Variants in PCDHA12 observed in about 807,000 individuals in gnomAD.
PCDHA12 encodes protocadherin alpha-12.
A neutral mutation model predicts 60.0 loss-of-function variants in PCDHA12; 44 were observed. The observed-to-expected ratio is 0.73, with a 90% confidence interval of 0.58 to 0.94. The LOEUF is 0.94. Among genes scored for constraint, PCDHA12 ranks in the 40% least tolerant of loss-of-function variants. The pLI is 0.00. For synonymous variants in PCDHA12, 569 were observed against 553.0 expected (o/e 1.03, Z -0.40); for missense variants, 1,276 against 1,239.7 (o/e 1.03, Z -0.44).
intron 1 of PCDHA12, among the ~76,000 whole-genome samples, chr5:140,915,369 G>GTC (rs2077091836): frequency 6.6e-6 from 1 of 152,160 alleles, no homozygotes; most frequent in Admixed American, 6.5e-5. Context: ...ACCAGTAAGT[G>GTC]TCTCGGCATT....
At chr5:140,943,690 CA>C (rs2093548144) in intron 1 of PCDHA12, among the ~76,000 whole-genome samples, 1 of 151,974 alleles carries the variant, frequency 6.6e-6, no homozygotes, top group Non-Finnish European at 1.5e-5. Context: ...GGGATAAGGT[CA>C]AAATATTGTG....
intron 1 of PCDHA12, chr5:140,926,908 G>A: frequency 6.4e-7 from 1 of 1,560,434 alleles, no homozygotes; most frequent in South Asian, 1.2e-5. Context: ...GGGCTGTGGG[G>A]TGGCAGTTTT....
At chr5:140,900,032 A>G (rs1439772684) in intron 1 of PCDHA12, among the ~76,000 whole-genome samples, 1 of 151,930 alleles carries the variant, frequency 6.6e-6, no homozygotes, top group Non-Finnish European at 1.5e-5. Context: ...TTGGCCTTGA[A>G]TTCCTGGGCT....
At chr5:140,951,822 C>T (rs926525028) in intron 1 of PCDHA12, among the ~76,000 whole-genome samples, 11 of 152,152 alleles carry the variant, frequency 7.2e-5, no homozygotes, top group African/African-American at 2.7e-4. Flanking sequence ...AAAGTCTGAA[C>T]TCATTCCAGC....
Position 140,896,173 on chromosome 5 carries a change from TTGCTATTGTGAATAG to T in PCDHA12, c.2367+18338_2367+18352del, listed in dbSNP as rs1554186855. On this transcript the variant is annotated intron_variant, in intron 1 of 3. Transcript: ENST00000398631. ...GGGCATTTAGGATTATTCTCTGTCT[TTGCTATTGTGAATAG>T]TGCCATGATGAACATACACATACAT... 2.6e-4 allele frequency among the ~76,000 whole-genome samples: 40 copies of T among 152,340 alleles called. 1 individual carries two copies. The East Asian group carries it at 5.2e-3, about 20-fold the overall frequency.
intron 1 of PCDHA12, chr5:140,881,433 T>A (rs1554172102): frequency 1.1e-6 from 1 of 872,990 alleles, no homozygotes; most frequent in African/African-American, 1.8e-5. Context: ...AGGCATATTT[T>A]ATAAAAACAG....
Position 140,915,075 on chromosome 5 carries a change from A to T in PCDHA12, c.2367+37236A>T, listed in dbSNP as rs111889109. ...ATTCTCCTGCCTTAGCCTACTGAGTAGCTGGGACTATGGGCACGCACCACC... is the reference window on the plus strand; with the variant it reads ...ATTCTCCTGCCTTAGCCTACTGAGTTGCTGGGACTATGGGCACGCACCACC... On this transcript the variant is annotated intron_variant, in intron 1 of 3. Transcript: ENST00000398631. 7.1e-3 allele frequency among the ~76,000 whole-genome samples: 1,070 copies of T among 151,432 alleles called. 10 individuals are homozygous for T. The highest frequency in any genetic ancestry group is 0.025 in the African/African-American group (1,035 of 41,220).
chr5:141,007,377 A>C (rs13186204), intron 3 of PCDHA12, among the ~76,000 whole-genome samples: 7,611 of 136,554 alleles, frequency 0.056, 239 homozygotes, highest in South Asian at 0.11. Flanking sequence ...ATGATGGAAC[A>C]CCATCTCTAC....
intron 3 of PCDHA12, among the ~76,000 whole-genome samples, chr5:140,992,118 G>C (rs1554252679): frequency 1.3e-5 from 2 of 151,650 alleles, no homozygotes; most frequent in Non-Finnish European, 2.9e-5. Flanking sequence ...ATGTGTCATG[G>C]AAGAACAGTG....
At position 141,005,925 on chromosome 5, in the gene PCDHA12, T is replaced by C. The variant is rs368127914; in HGVS notation, c.2516-3702T>C. On this transcript the variant is annotated intron_variant, in intron 3 of 3. Transcript: ENST00000398631. ...TTGCACCACTGCACTTCAGCCTGGT[T>C]GACAGAGTGAGAACCTATCTCTAAC... 4.1e-4 allele frequency among the ~76,000 whole-genome samples: 62 copies of C among 151,990 alleles called. 1 individual carries two copies. The highest frequency in any genetic ancestry group is 1.4e-3 in the African/African-American group (59 of 41,476).
intron 1 of PCDHA12, chr5:140,967,751 T>G: frequency 6.2e-7 from 1 of 1,614,138 alleles, no homozygotes; most frequent in African/African-American, 1.3e-5. Context: ...TGAGGAAGCC[T>G]CCTCCTACCA....
intron 1 of PCDHA12, among the ~76,000 whole-genome samples, chr5:140,878,501 C>T (rs186968165): frequency 5.9e-5 from 9 of 152,226 alleles, no homozygotes; most frequent in Admixed American, 2.0e-4. Flanking sequence ...ACCATCTGTA[C>T]GATACAGTAC....
intron 3 of PCDHA12, among the ~76,000 whole-genome samples, chr5:141,004,121 C>T (rs1250923202): frequency 6.6e-6 from 1 of 152,230 alleles, no homozygotes; most frequent in Non-Finnish European, 1.5e-5. Flanking sequence ...AAGGGAGTAT[C>T]TCCATGATTC....
intron 1 of PCDHA12, among the ~76,000 whole-genome samples, chr5:140,966,009 G>A (rs2153745631): frequency 6.6e-6 from 1 of 152,278 alleles, no homozygotes; most frequent in South Asian, 2.1e-4. Flanking sequence ...AGTGTCCAGG[G>A]AAGATGTGGG....
chr5:140,936,619 T>C (rs2153629684), intron 1 of PCDHA12, among the ~76,000 whole-genome samples: 1 of 152,366 alleles, frequency 6.6e-6, no homozygotes, highest in East Asian at 1.9e-4. Context: ...TACTGTGCAG[T>C]GCTACCTTTG....
In PCDHA12 at chr5:141,005,701, CAAAAAAAA is replaced by C. The variant is rs59860837; in HGVS notation, c.2516-3903_2516-3896del. Among the ~76,000 whole-genome samples, 45 of 7,788 alleles carry C rather than the reference CAAAAAAAA, an allele frequency of 5.8e-3. No individual in the cohort carries two copies. In the East Asian group the frequency reaches 0.064, roughly 11 times the overall value. 5.1% of individuals were successfully genotyped at this position (7,788 alleles called of 152,430 possible). A position where few individuals can be genotyped will look rare whatever the true frequency, so the allele number is the denominator to read the frequency against. On this transcript the variant is annotated intron_variant, in intron 3 of 3. Coordinates refer to ENST00000398631, the MANE Select transcript of PCDHA12 (RefSeq NM_018903.4). ...TGGGCGACAGAGCGAAACTCCGTCT[CAAAAAAAA>C]AAAAAAAAAAAAAAAAAAAAAAGAA...
intron 1 of PCDHA12, chr5:140,967,401 G>C: frequency 6.2e-7 from 1 of 1,611,944 alleles, no homozygotes; most frequent in Non-Finnish European, 8.5e-7. Context: ...CTGGTGCTGC[G>C]TAAGGGCCTA....
intron 1 of PCDHA12, chr5:140,928,370 C>T (rs2085193734): frequency 6.2e-7 from 1 of 1,614,062 alleles, no homozygotes; most frequent in South Asian, 1.1e-5. Context: ...GAAGGGCCAT[C>T]AGCCTCTAGC....
chr5:141,009,809 G>T lies in PCDHA12; in HGVS notation c.2698G>T (p.Asp900Tyr), dbSNP rs782057926. The T allele has an allele frequency of 6.2e-7, 1 of 1,613,834 alleles. No homozygotes were observed. Among genetic ancestry groups the T allele is most frequent in the Non-Finnish European group, 8.5e-7 (1 of 1,180,010 alleles). ...GCAGGAGCCTACTAACAGCCAAATT[G>T]ACAAAAGTGACTTCATAACCTTCGG... ...IRQEPTNSQI[D>Y]KSDFITFGKK... The change falls in exon 4 of 4, where the codon GAC becomes TAC. Residue 900 changes from aspartate to tyrosine, a missense_variant. Physicochemically the swap from Asp to Tyr is radical, Grantham distance 160 (BLOSUM62 -3). Coordinates refer to ENST00000398631, the MANE Select transcript of PCDHA12 (RefSeq NM_018903.4).
Sources: allele counts gnomAD v4.1 joint callset (sites outside exome capture counted in the v4.1 genomes callset), GRCh38; gene constraint gnomAD v4.1.1; transcripts MANE v1.5; gene names NCBI Gene and HGNC (gene_info 2026-07-23, HGNC 2026-07-21).